The following AMBRA1 variants were observed in gnomAD, a reference collection of about 807,000 sequenced individuals.
AMBRA1 encodes the protein activating molecule in BECN1-regulated autophagy protein 1.
A neutral mutation model predicts 125.4 loss-of-function variants in AMBRA1; 47 were observed. That is an observed-to-expected ratio of 0.37 (90% CI 0.30 to 0.48). AMBRA1 has a LOEUF of 0.48. AMBRA1 is among the 20% of genes least tolerant of loss of function. The pLI is 0.99. For missense variants in AMBRA1, 1,331 were observed against 1,693.4 expected, an observed-to-expected ratio of 0.79 and a Z score of 3.76; for synonymous variants, 626 against 655.5, an observed-to-expected ratio of 0.95 and a Z score of 0.69.
intron 14 of AMBRA1, among the ~76,000 whole-genome samples, chr11:46,420,087 C>A (rs1026414561): frequency 3.6e-4 from 55 of 151,108 alleles, no homozygotes; most frequent in Admixed American, 3.6e-3. Flanking sequence ...CCAGAATGGC[C>A]TAGCTATGGT....
intron 12 of AMBRA1, among the ~76,000 whole-genome samples, chr11:46,436,270 A>G (rs1163190668): frequency 1.3e-5 from 2 of 152,212 alleles, no homozygotes; most frequent in East Asian, 3.8e-4. Context: ...AGAGGCCCCC[A>G]GGCTTATGTG....
intron 11 of AMBRA1, among the ~76,000 whole-genome samples, chr11:46,484,358 A>T (rs1342524263): frequency 6.6e-6 from 1 of 152,236 alleles, no homozygotes; most frequent in Non-Finnish European, 1.5e-5. Flanking sequence ...GAAGTAAAAG[A>T]ATTCTGGCAT....
In AMBRA1 at chr11:46,542,552, G is replaced by C; in HGVS notation, c.1465C>G (p.Gln489Glu). The C allele has an allele frequency of 6.2e-7, 1 of 1,613,210 alleles. No homozygotes were observed. Among genetic ancestry groups the C allele is most frequent in the Non-Finnish European group, 8.5e-7 (1 of 1,180,040 alleles). ...TESDGGNGSS[Q>E]NNSGSIRHEL... ...TGGCGAATGCTGCCCGAGTTGTTTT[G>C]GCTGGAGCCATTCCCTCCATCTGAC... Residue 489 changes from glutamine (Q) to glutamate (E), a missense_variant, in exon 7 of 18, where the codon CAA (glutamine) becomes GAA (glutamate). Coordinates refer to ENST00000683756, the MANE Select transcript of AMBRA1 (RefSeq NM_001387011.1). This position sits in a 1 kb window ranked among gnomAD's most constrained non-coding sequence, Gnocchi z 5.9.
At chr11:46,450,772 T>C (rs1948549790) in intron 11 of AMBRA1, among the ~76,000 whole-genome samples, 1 of 152,162 alleles carries the variant, frequency 6.6e-6, no homozygotes, top group Non-Finnish European at 1.5e-5. Flanking sequence ...AGTAAAGTTA[T>C]TTTCTATGTT....
chr11:46,541,549 G>A (rs919653302), intron 7 of AMBRA1, among the ~76,000 whole-genome samples: 3 of 152,164 alleles, frequency 2.0e-5, no homozygotes, highest in Non-Finnish European at 4.4e-5. Flanking sequence ...CTACCATGCA[G>A]GGTTCTCTTT....
At chr11:46,517,400 C>T (rs901349720) in intron 7 of AMBRA1, among the ~76,000 whole-genome samples, 7 of 148,794 alleles carry the variant, frequency 4.7e-5, no homozygotes, top group African/African-American at 9.9e-5. Context: ...CCACCCGCCT[C>T]GGCCTCCCAA....
At chr11:46,565,329 T>TA (rs1290438088) in intron 1 of AMBRA1, among the ~76,000 whole-genome samples, 1 of 151,972 alleles carries the variant, frequency 6.6e-6, no homozygotes, top group South Asian at 2.1e-4. Flanking sequence ...TTTTTTAAAT[T>TA]AAAAAAATCA....
chr11:46,545,843 A>C, intron 4 of AMBRA1, 67 bp from the exon 5 acceptor site: 6 of 1,507,768 alleles, frequency 4.0e-6, no homozygotes, highest in Non-Finnish European at 5.5e-6. Flanking sequence ...AGTCAATTTC[A>C]AGAAAGGTCC....
chr11:46,401,013 G>T (rs534597813), intron 17 of AMBRA1, among the ~76,000 whole-genome samples: 3 of 152,288 alleles, frequency 2.0e-5, no homozygotes, highest in South Asian at 4.2e-4. Context: ...GGGGCAGAAG[G>T]TAAGAAGAAA....
At chr11:46,469,750 G>A (rs191350539) in intron 11 of AMBRA1, among the ~76,000 whole-genome samples, 114 of 151,586 alleles carry the variant, frequency 7.5e-4, no homozygotes, top group African/African-American at 2.1e-3. Context: ...CTGCAGCCTC[G>A]AACTCCTGGG....
At chr11:46,520,665 G>A (rs1443914722) in intron 7 of AMBRA1, among the ~76,000 whole-genome samples, 5 of 150,114 alleles carry the variant, frequency 3.3e-5, no homozygotes, top group East Asian at 2.0e-4. Context: ...GCGTGGTATC[G>A]GCTCACTGCA....
rs142936362 is a variant in AMBRA1, at chr11:46,472,184, C to A, written c.2521+21424G>T. 4.2e-4 allele frequency among the ~76,000 whole-genome samples: 64 copies of A among 152,286 alleles called. No individual in the cohort carries two copies. The Middle Eastern group carries it at 0.014, about 32-fold the overall frequency. Reference sequence around the variant, plus strand: ...CTGCTGTGACCGCTTCTATTTAGTTCAACAAGAAGTATTTATTTTATGTCC... The same window carrying A: ...CTGCTGTGACCGCTTCTATTTAGTTAAACAAGAAGTATTTATTTTATGTCC... On this transcript the variant is annotated intron_variant, in intron 11 of 17. Coordinates refer to ENST00000683756, the MANE Select transcript of AMBRA1 (RefSeq NM_001387011.1).
intron 9 of AMBRA1, among the ~76,000 whole-genome samples, chr11:46,497,738 G>T (rs1950688657): frequency 6.6e-6 from 1 of 152,212 alleles, no homozygotes; most frequent in Admixed American, 6.5e-5. Flanking sequence ...TCGACAGGAA[G>T]AGGGGAAAAG....
intron 11 of AMBRA1, among the ~76,000 whole-genome samples, chr11:46,470,405 C>T (rs575079013): frequency 1.3e-5 from 2 of 152,032 alleles, no homozygotes; most frequent in Admixed American, 6.5e-5. Flanking sequence ...CTGGCTAACA[C>T]GGTGAAACCC....
At chr11:46,409,008 G>C (rs1317344124) in intron 16 of AMBRA1, among the ~76,000 whole-genome samples, 4 of 152,252 alleles carry the variant, frequency 2.6e-5, no homozygotes, top group Non-Finnish European at 4.4e-5. Context: ...AGGAGCTGTA[G>C]AGATGGCTGA....
At chr11:46,564,745 CCTAT>C (rs1272572524) in intron 1 of AMBRA1, among the ~76,000 whole-genome samples, 3 of 152,122 alleles carry the variant, frequency 2.0e-5, no homozygotes, top group Non-Finnish European at 4.4e-5. Flanking sequence ...CATGCCTCAA[CCTAT>C]CTATCTAAAG....
At position 46,435,029 on chromosome 11, in the gene AMBRA1, T is replaced by C; in HGVS notation, c.2641A>G (p.Asn881Asp). The change falls in exon 13 of 18, where the codon AAT becomes GAT. Residue 881 changes from asparagine (N) to aspartate (D), a missense_variant. Asn to Asp is a conservative substitution (Grantham distance 23). This residue lies in a region of AMBRA1 where 354 missense variants were observed against 532.7 expected (regional missense o/e 0.66). Coordinates refer to ENST00000683756, the MANE Select transcript of AMBRA1 (RefSeq NM_001387011.1). ...ATCTTGCAGTTCTGCACCAGCACAT[T>C]CACGGAAGCTGCATCAGACAAAGAA... ...DLPEISNASV[N>D]VLVQNCKIYN... is the part of the protein sequence containing the mutation. The C allele has an allele frequency of 6.2e-7, 1 of 1,605,804 alleles. No homozygotes were observed. The highest frequency in any genetic ancestry group is 8.5e-7 in the Non-Finnish European group (1 of 1,175,876).
At chr11:46,532,672 T>C (rs977149381) in intron 7 of AMBRA1, among the ~76,000 whole-genome samples, 11 of 152,214 alleles carry the variant, frequency 7.2e-5, no homozygotes, top group Admixed American at 1.3e-4. Context: ...CCTGACCTTG[T>C]GATCCGCCCA....
At chr11:46,398,031 GA>G in intron 17 of AMBRA1, 88 bp from the exon 18 acceptor site, 34 of 1,477,842 alleles carry the variant, frequency 2.3e-5, no homozygotes, top group Non-Finnish European at 3.0e-5. Context: ...GCAGCTGGGG[GA>G]TTCTTGACTA....
Sources: gnomAD v4.1 joint callset for allele counts (sites outside exome capture counted in the v4.1 genomes callset) on GRCh38, gnomAD v4.1.1 for gene constraint, gnomAD v4.1.1 regional missense constraint, Gnocchi (gnomAD v3.1) non-coding constraint, MANE v1.5 for transcripts, NCBI Gene and HGNC (gene_info 2026-07-23, HGNC 2026-07-21) for gene names.